The following PLSCR4 variants were observed in gnomAD, a reference collection of about 807,000 sequenced individuals.
PLSCR4 encodes Ca(2+)-dependent phospholipid scramblase 4.
Under a neutral mutation model 36.3 loss-of-function variants are expected in PLSCR4, and 25 were observed. That is an observed-to-expected ratio of 0.69 (90% CI 0.50 to 0.96). The LOEUF (loss-of-function observed/expected upper bound fraction) is 0.96, where lower values mean the gene tolerates loss of function less well. Among genes scored for constraint, PLSCR4 ranks in the 40% least tolerant of loss-of-function variants. PLSCR4 has a pLI of 0.00. For synonymous variants in PLSCR4, 122 were observed against 132.9 expected (o/e 0.92, Z 0.56); for missense variants, 408 against 414.7 (o/e 0.98, Z 0.14).
intron 1 of PLSCR4, among the ~76,000 whole-genome samples, chr3:146,242,170 C>G (rs1022255138): frequency 2.0e-5 from 3 of 152,304 alleles, no homozygotes; most frequent in Middle Eastern, 3.4e-3. Context: ...CTTCTTTCCT[C>G]TGTTTATGAA....
chr3:146,229,922 C>T (rs1028444351), intron 1 of PLSCR4, among the ~76,000 whole-genome samples: 2 of 152,172 alleles, frequency 1.3e-5, no homozygotes, highest in Non-Finnish European at 2.9e-5. Context: ...CTGCACCTAG[C>T]CAATTTTTAT....
In PLSCR4 at chr3:146,203,899, C is replaced by T. The variant is rs552000571; in HGVS notation, c.354+2627G>A. ...TTTCAATTTCCTTCAAGAACTTTTC[C>T]TTTGCATTCACAGCTTGGCTAACTG... is the stretch of plus-strand genomic sequence containing the variant. On this transcript the variant is annotated intron_variant, in intron 4 of 8. Coordinates refer to ENST00000354952, the MANE Select transcript of PLSCR4 (RefSeq NM_020353.3). Among the ~76,000 whole-genome samples the T allele has an allele frequency of 2.1e-4, 32 of 152,102 alleles. No individual in the cohort carries two copies. In the South Asian group the frequency reaches 6.2e-3, roughly 30 times the overall value.
intron 3 of PLSCR4, among the ~76,000 whole-genome samples, chr3:146,214,384 A>C (rs2034792017): frequency 1.0e-4 from 1 of 9,652 alleles, no homozygotes. Context: ...TGGCCTCCCA[A>C]AGTGCTGGGA....
At chr3:146,250,594 C>G (rs1260608853) in intron 1 of PLSCR4, 3 of 152,184 alleles carry the variant, frequency 2.0e-5, no homozygotes, top group East Asian at 3.9e-4. Flanking sequence ...AGAGCCGCGC[C>G]GTAGAAACGC....
intron 3 of PLSCR4, among the ~76,000 whole-genome samples, chr3:146,214,551 G>A (rs1193359334): frequency 1.3e-5 from 2 of 151,580 alleles, no homozygotes; most frequent in Non-Finnish European, 2.9e-5. Context: ...ATTTCCCTGT[G>A]TGTGATGTTT....
Position 146,198,997 on chromosome 3 carries a change from C to T in PLSCR4, c.624+816G>A, listed in dbSNP as rs991877735. On this transcript the variant is annotated intron_variant, in intron 6 of 8. Coordinates refer to ENST00000354952, the MANE Select transcript of PLSCR4 (RefSeq NM_020353.3). ...TAATCCCTAAAATGATCATCCTATCCGATAGGTACTATTAATATTTCCATT... is the reference window on the plus strand; with the variant it reads ...TAATCCCTAAAATGATCATCCTATCTGATAGGTACTATTAATATTTCCATT... Among the ~76,000 whole-genome samples the T allele has an allele frequency of 3.3e-5, 5 of 151,982 alleles. No homozygotes were observed. In the East Asian group the frequency reaches 5.8e-4, roughly 18 times the overall value.
chr3:146,242,550 C>T (rs1022929751), intron 1 of PLSCR4, among the ~76,000 whole-genome samples: 1 of 152,080 alleles, frequency 6.6e-6, no homozygotes, highest in Non-Finnish European at 1.5e-5. Context: ...GTAGGGAGGC[C>T]TCAGGTATTT....
chr3:146,225,497 G>C (rs1041486228), intron 1 of PLSCR4, among the ~76,000 whole-genome samples: 2 of 152,200 alleles, frequency 1.3e-5, no homozygotes, highest in African/African-American at 4.8e-5. Flanking sequence ...TGCTCGTCGG[G>C]GAGGCTCGGG....
intron 1 of PLSCR4, among the ~76,000 whole-genome samples, chr3:146,238,322 T>C (rs922385934): frequency 1.3e-5 from 2 of 151,894 alleles, no homozygotes; most frequent in African/African-American, 4.8e-5. Flanking sequence ...AGTATGACCC[T>C]TATATCAAAA....
At chr3:146,200,373 T>G (rs2033979854) in intron 5 of PLSCR4, among the ~76,000 whole-genome samples, 1 of 152,094 alleles carries the variant, frequency 6.6e-6, no homozygotes, top group African/African-American at 2.4e-5. Flanking sequence ...AATTATACAT[T>G]TGACCATTAA....
intron 1 of PLSCR4, among the ~76,000 whole-genome samples, chr3:146,248,421 T>C (rs939259447): frequency 2.6e-5 from 4 of 152,078 alleles, no homozygotes; most frequent in Non-Finnish European, 5.9e-5. Context: ...ACATCACTAC[T>C]CACAATATAA....
intron 4 of PLSCR4, among the ~76,000 whole-genome samples, chr3:146,204,745 C>T (rs2034231397): frequency 6.6e-6 from 1 of 151,960 alleles, no homozygotes; most frequent in African/African-American, 2.4e-5. Context: ...AGAGAATTGA[C>T]TGTAGAAGAT....
intron 1 of PLSCR4, among the ~76,000 whole-genome samples, chr3:146,241,521 T>C (rs1423511368): frequency 2.0e-5 from 3 of 152,080 alleles, no homozygotes; most frequent in Admixed American, 2.0e-4. Flanking sequence ...TCAAAATACA[T>C]GAAGGAAAAA....
chr3:146,249,561 G>T (rs917338554), intron 1 of PLSCR4, among the ~76,000 whole-genome samples: 4 of 151,380 alleles, frequency 2.6e-5, no homozygotes, highest in African/African-American at 9.7e-5. Context: ...TTTATTATAT[G>T]AAGAAGTCTC....
chr3:146,203,647 G>A (rs1036222623), intron 4 of PLSCR4, among the ~76,000 whole-genome samples: 2 of 151,838 alleles, frequency 1.3e-5, no homozygotes, highest in Non-Finnish European at 2.9e-5. Context: ...CTTAAGCCTT[G>A]TGAGCCAACC....
At chr3:146,249,625 T>C (rs1559933274) in intron 1 of PLSCR4, among the ~76,000 whole-genome samples, 1 of 150,286 alleles carries the variant, frequency 6.7e-6, no homozygotes, top group Non-Finnish European at 1.5e-5. Context: ...ATATATAATA[T>C]ATAAAATAAG....
chr3:146,205,321 TTTTTC>T (rs1275836112), intron 4 of PLSCR4, among the ~76,000 whole-genome samples: 1 of 151,980 alleles, frequency 6.6e-6, no homozygotes, highest in Non-Finnish European at 1.5e-5. Context: ...TATGCACAAA[TTTTTC>T]TTTTCTTCTT....
intron 1 of PLSCR4, among the ~76,000 whole-genome samples, chr3:146,236,795 T>C (rs1374470128): frequency 1.3e-5 from 2 of 152,060 alleles, no homozygotes; most frequent in Non-Finnish European, 2.9e-5. Flanking sequence ...CTCAATTACA[T>C]GCTCTCTAAA....
chr3:146,238,371 A>G (rs2036004395), intron 1 of PLSCR4, among the ~76,000 whole-genome samples: 1 of 152,072 alleles, frequency 6.6e-6, no homozygotes, highest in South Asian at 2.1e-4. Flanking sequence ...ACTAATAACC[A>G]TGAAGAATAC....
Sources: allele counts gnomAD v4.1 joint callset (sites outside exome capture counted in the v4.1 genomes callset), GRCh38; gene constraint gnomAD v4.1.1; transcripts MANE v1.5; gene names NCBI Gene and HGNC (gene_info 2026-07-23, HGNC 2026-07-21).